PALLD: variants seen among roughly 807,000 people sequenced by gnomAD.
The protein encoded by PALLD is palladin, cytoskeletal associated protein.
In PALLD, 61 loss-of-function variants were observed where a neutral mutation model predicts 123.5. That is an observed-to-expected ratio of 0.49 (90% CI 0.40 to 0.61). The LOEUF is 0.61. Ranked by LOEUF, PALLD falls within the 20% of genes least tolerant of loss-of-function variation. PALLD has a pLI of 0.00. For synonymous variants in PALLD, 465 were observed against 496.4 expected (o/e 0.94, Z 0.84); for missense variants, 1,273 against 1,377.0 (o/e 0.92, Z 1.20).
intron 10 of PALLD, among the ~76,000 whole-genome samples, chr4:168,835,973 G>A (rs1316483345): frequency 1.3e-5 from 2 of 152,206 alleles, no homozygotes; most frequent in African/African-American, 4.8e-5. Context: ...AGAGCATTTT[G>A]AAACTGGTGG....
rs35555541 is a variant in PALLD, at chr4:168,527,422, C to CAAAAAAAAAAAAAAA, written c.908+15018_908+15032dup. ...GGGCAACAGGAGTGAAACTCCATCTCAAAAAAAAAAAAAAAAAAAAAAGTC... is the reference window on the plus strand; with the variant it reads ...GGGCAACAGGAGTGAAACTCCATCTCAAAAAAAAAAAAAAAAAAAAAAAAAAAAAAAAAAAAAGTC... On this transcript the variant is annotated intron_variant, in intron 2 of 21. Coordinates refer to ENST00000505667, the MANE Select transcript of PALLD (RefSeq NM_001166108.2). Among the ~76,000 whole-genome samples the CAAAAAAAAAAAAAAA allele has an allele frequency of 1.2e-3, 66 of 52,910 alleles. 8 individuals carry two copies. Among genetic ancestry groups the CAAAAAAAAAAAAAAA allele is most frequent in the African/African-American group, 4.4e-3 (39 of 8,860 alleles). 34.7% of individuals were successfully genotyped at this position (52,910 alleles called of 152,430 possible).
At chr4:168,733,851 C>T (rs369430620) in intron 10 of PALLD, among the ~76,000 whole-genome samples, 697 of 152,328 alleles carry the variant, frequency 4.6e-3, no homozygotes, top group African/African-American at 0.016. Context: ...TCTCCTGCCT[C>T]AGCCTCCTGA....
At chr4:168,652,270 A>G (rs1778129026) in intron 2 of PALLD, among the ~76,000 whole-genome samples, 1 of 152,318 alleles carries the variant, frequency 6.6e-6, no homozygotes, top group South Asian at 2.1e-4. Context: ...CAGAAAGGAT[A>G]TAAAAATGGA....
chr4:168,591,367 T>C (rs1290142818), intron 2 of PALLD, among the ~76,000 whole-genome samples: 2 of 152,188 alleles, frequency 1.3e-5, no homozygotes, highest in African/African-American at 4.8e-5. Flanking sequence ...GTGGGCCAGA[T>C]ACCATTTAGC....
intron 1 of PALLD, among the ~76,000 whole-genome samples, chr4:168,509,515 A>C (rs1320305833): frequency 6.6e-6 from 1 of 152,198 alleles, no homozygotes; most frequent in Non-Finnish European, 1.5e-5. Context: ...ATTGTTCCTC[A>C]TATACGAGCC....
intron 17 of PALLD, among the ~76,000 whole-genome samples, chr4:168,916,458 C>T (rs1046754032): frequency 2.1e-5 from 3 of 144,996 alleles, no homozygotes; most frequent in Admixed American, 7.2e-5. Context: ...TGAAATACGT[C>T]GGATATTTAT....
chr4:168,897,000 T>G (rs1755340195), intron 13 of PALLD, among the ~76,000 whole-genome samples: 1 of 151,988 alleles, frequency 6.6e-6, no homozygotes, highest in Non-Finnish European at 1.5e-5. Flanking sequence ...CCTGGCTAAT[T>G]TTGTATTTTT....
At chr4:168,734,976 A>G (rs1047136163) in intron 10 of PALLD, among the ~76,000 whole-genome samples, 1 of 152,110 alleles carries the variant, frequency 6.6e-6, no homozygotes, top group East Asian at 1.9e-4. Context: ...TGATGCTAGT[A>G]GTAGTAGTGT....
chr4:168,718,318 C>CAA (rs1785567181), intron 10 of PALLD, among the ~76,000 whole-genome samples: 1 of 152,094 alleles, frequency 6.6e-6, no homozygotes, highest in South Asian at 2.1e-4. Context: ...ACAAAAAGGA[C>CAA]AAAGACAAGG....
At chr4:168,599,503 T>C (rs182329634) in intron 2 of PALLD, among the ~76,000 whole-genome samples, 4 of 151,912 alleles carry the variant, frequency 2.6e-5, no homozygotes, top group Non-Finnish European at 5.9e-5. Context: ...AAATATTCAA[T>C]GAAGCATTGT....
In PALLD at chr4:168,927,002, T is replaced by TTTTTTTTCTTTATGTGTAGTG. The variant is rs1481760510; in HGVS notation, c.*827_*847dup. The stretch of plus-strand genomic sequence containing the variant: ...AAGGTTAATACCTTAGTTCTTAACA[T>TTTTTTTTCTTTATGTGTAGTG]TTTTTTTCTTTATGTGTAGTGTTTT... On this transcript the variant is annotated 3_prime_UTR_variant, in exon 22 of 22. Transcript: ENST00000505667. 4.6e-6 allele frequency: 1 copy of TTTTTTTTCTTTATGTGTAGTG among 217,120 alleles called. No homozygotes were observed. Among genetic ancestry groups the TTTTTTTTCTTTATGTGTAGTG allele is most frequent in the Non-Finnish European group, 9.3e-6 (1 of 107,728 alleles). 13.4% of individuals were successfully genotyped at this position (217,120 alleles called of 1,614,324 possible).
intron 10 of PALLD, among the ~76,000 whole-genome samples, chr4:168,740,050 A>G (rs543917136): frequency 1.3e-5 from 2 of 152,248 alleles, no homozygotes; most frequent in South Asian, 4.1e-4. Context: ...CTTAATTCCC[A>G]TGTTAGTTGA....
intron 2 of PALLD, among the ~76,000 whole-genome samples, chr4:168,595,393 G>A (rs2149704029): frequency 6.6e-6 from 1 of 152,264 alleles, no homozygotes; most frequent in East Asian, 1.9e-4. Context: ...TGATGCCTAA[G>A]CCTGTGGTAT....
At chr4:168,834,477 A>G (rs1364847283) in intron 10 of PALLD, among the ~76,000 whole-genome samples, 1 of 152,116 alleles carries the variant, frequency 6.6e-6, no homozygotes, top group Non-Finnish European at 1.5e-5. Flanking sequence ...AGAGACTCAC[A>G]CCTGTAATCC....
intron 10 of PALLD, among the ~76,000 whole-genome samples, chr4:168,857,285 C>T (rs1228199829): frequency 2.0e-5 from 3 of 152,188 alleles, no homozygotes; most frequent in East Asian, 3.9e-4. Context: ...TGTTTGCTTA[C>T]CCTAATGCTC....
chr4:168,603,313 A>C (rs543414360), intron 2 of PALLD, among the ~76,000 whole-genome samples: 11 of 152,328 alleles, frequency 7.2e-5, no homozygotes, highest in African/African-American at 2.6e-4. Flanking sequence ...CTGAGAAAAC[A>C]TACAGCAGTT....
At chr4:168,734,925 TAGAGAGAGAGAG>T (rs113680242) in intron 10 of PALLD, among the ~76,000 whole-genome samples, 1 of 147,424 alleles carries the variant, frequency 6.8e-6, no homozygotes, top group African/African-American at 2.5e-5. Context: ...CCCCATCTCT[TAGAGAGAGAGAG>T]AGAGAGAGGA....
intron 10 of PALLD, among the ~76,000 whole-genome samples, chr4:168,725,485 A>G (rs1336790829): frequency 6.6e-6 from 1 of 151,364 alleles, no homozygotes; most frequent in African/African-American, 2.4e-5. Context: ...AGTACAATGC[A>G]GTGAAAAAGA....
At chr4:168,637,623 TAAC>T (rs1337096314) in intron 2 of PALLD, among the ~76,000 whole-genome samples, 5 of 152,126 alleles carry the variant, frequency 3.3e-5, no homozygotes, top group African/African-American at 1.2e-4. Context: ...TGAAATGGGC[TAAC>T]AATAGCCACT....
Sources: allele counts gnomAD v4.1 joint callset (sites outside exome capture counted in the v4.1 genomes callset), GRCh38; gene constraint gnomAD v4.1.1; transcripts MANE v1.5; gene names NCBI Gene and HGNC (gene_info 2026-07-23, HGNC 2026-07-21).